CDCA2: variants seen among roughly 807,000 people sequenced by gnomAD.
CDCA2 encodes cell division cycle associated 2, also known as cell division cycle-associated protein 2.
In CDCA2, 44 loss-of-function variants were observed where a neutral mutation model predicts 67.0. The ratio of observed to expected loss-of-function variants is 0.66; its 90% CI spans 0.52 to 0.84. The LOEUF is 0.84. CDCA2 is among the 40% of genes least tolerant of loss of function. CDCA2 has a pLI of 0.00. For synonymous variants in CDCA2, 447 were observed against 418.7 expected (o/e 1.07, Z -0.82); for missense variants, 1,253 against 1,203.2 (o/e 1.04, Z -0.61).
rs1352686296 is a variant in CDCA2 at position 25,503,466 on chromosome 8, C to T, written c.1765C>T (p.Leu589Phe). The T allele has an allele frequency of 6.2e-7, 1 of 1,613,796 alleles. No homozygotes were observed. The highest frequency in any genetic ancestry group is 1.7e-5 in the Admixed American group (1 of 60,006). ...AAGAGACATTGCTTCTAAGAAGCCCCTCCTCAGTCCTATTCCCGAGCTGCC... is the reference window on the plus strand; with the variant it reads ...AAGAGACATTGCTTCTAAGAAGCCCTTCCTCAGTCCTATTCCCGAGCTGCC... ...GERDIASKKP[L>F]LSPIPELPEV... Residue 589 changes from leucine (L) to phenylalanine (F), a missense_variant, in exon 14 of 15, where the codon CTC becomes TTC. Coordinates refer to ENST00000330560, the MANE Select transcript of CDCA2 (RefSeq NM_152562.4).
At chr8:25,473,969 A>C (rs996874753) in intron 7 of CDCA2, among the ~76,000 whole-genome samples, 8 of 152,118 alleles carry the variant, frequency 5.3e-5, no homozygotes, top group African/African-American at 1.9e-4. Context: ...GTCAGATACA[A>C]AAAAAGGTTT....
intron 5 of CDCA2, among the ~76,000 whole-genome samples, chr8:25,467,897 T>A (rs1364537907): frequency 2.0e-5 from 3 of 151,888 alleles, no homozygotes; most frequent in Non-Finnish European, 4.4e-5. Flanking sequence ...GGTGGGTGGA[T>A]CACCTGAGGT....
In CDCA2 at chr8:25,460,268, C is replaced by T; in HGVS notation, c.29C>T (p.Pro10Leu). The T allele has an allele frequency of 6.2e-7, 1 of 1,614,172 alleles. No homozygotes were observed. Among genetic ancestry groups the T allele is most frequent in the Non-Finnish European group, 8.5e-7 (1 of 1,180,010 alleles). MDANSKDKPPETKESAMNNA... is the reference protein window; with the variant it reads MDANSKDKPLETKESAMNNA... ...GATGCCAATTCAAAAGACAAGCCCCCTGAAACCAAGGAGTCTGCAATGAAT... is the reference window on the plus strand; with the variant it reads ...GATGCCAATTCAAAAGACAAGCCCCTTGAAACCAAGGAGTCTGCAATGAAT... Residue 10 changes from proline (P) to leucine (L), a missense_variant, in exon 2 of 15, where the codon CCT becomes CTT. Coordinates refer to ENST00000330560, the MANE Select transcript of CDCA2 (RefSeq NM_152562.4).
intron 4 of CDCA2, among the ~76,000 whole-genome samples, chr8:25,465,771 A>G (rs1802873732): frequency 6.6e-6 from 1 of 152,172 alleles, no homozygotes; most frequent in Non-Finnish European, 1.5e-5. Flanking sequence ...CGTGCTGAGT[A>G]GAAACAGCTT....
intron 4 of CDCA2, among the ~76,000 whole-genome samples, chr8:25,465,614 A>G (rs966429609): frequency 5.4e-5 from 8 of 148,988 alleles, no homozygotes; most frequent in African/African-American, 2.1e-4. Flanking sequence ...TTTCAACCCT[A>G]AGAAGGAAAT....
At chr8:25,503,825 G>A (rs185443954) in intron 14 of CDCA2, among the ~76,000 whole-genome samples, 1 of 152,124 alleles carries the variant, frequency 6.6e-6, no homozygotes, top group Non-Finnish European at 1.5e-5. Context: ...AATAATTTCT[G>A]TGCATCCTGT....
At chr8:25,460,711 A>C (rs886778672) in intron 3 of CDCA2, among the ~76,000 whole-genome samples, 157 bp downstream of exon 3, 1 of 152,204 alleles carries the variant, frequency 6.6e-6, no homozygotes, top group African/African-American at 2.4e-5. Context: ...TTGCACATGC[A>C]CAGTTCATTT....
intron 7 of CDCA2, chr8:25,472,089 G>C (rs1646121866): frequency 6.6e-6 from 1 of 152,124 alleles, no homozygotes; most frequent in Non-Finnish European, 1.5e-5. Flanking sequence ...TACCCCCTCT[G>C]CTTCCTCTGT....
At chr8:25,490,268 G>A (rs1368705597) in intron 13 of CDCA2, among the ~76,000 whole-genome samples, 4 of 151,640 alleles carry the variant, frequency 2.6e-5, no homozygotes, top group East Asian at 1.9e-4. Context: ...ATAAAATTAC[G>A]GCCAGAAAGT....
chr8:25,494,187 A>AG lies in CDCA2; in HGVS notation c.1671+5500dup, dbSNP rs555712865. ...AATCAAAAACACTCAGGGCTGGGTGAGGTGGCTCACACCTGTAATCTCAGC... is the reference window on the plus strand; with the variant it reads ...AATCAAAAACACTCAGGGCTGGGTGAGGGTGGCTCACACCTGTAATCTCAGC... On this transcript the variant is annotated intron_variant, in intron 13 of 14. Coordinates refer to ENST00000330560, the MANE Select transcript of CDCA2 (RefSeq NM_152562.4). 7.9e-5 allele frequency among the ~76,000 whole-genome samples: 12 copies of AG among 152,176 alleles called. No individual in the cohort carries two copies. The South Asian group carries it at 2.5e-3, about 32-fold the overall frequency.
chr8:25,470,773 T>G (rs898033574), intron 7 of CDCA2, among the ~76,000 whole-genome samples: 3 of 151,930 alleles, frequency 2.0e-5, no homozygotes, highest in Admixed American at 1.3e-4. Flanking sequence ...TTTCTTTTTT[T>G]TTTTTTAAGG....
chr8:25,460,089 C>T (rs1057170253), intron 1 of CDCA2, 151 bp from the exon 2 acceptor site: 1 of 702,154 alleles, frequency 1.4e-6, no homozygotes, highest in African/African-American at 1.8e-5. Context: ...ACTGTATACC[C>T]ACAGAAATTA....
chr8:25,498,658 A>G (rs1231924656), intron 13 of CDCA2, among the ~76,000 whole-genome samples: 2 of 152,112 alleles, frequency 1.3e-5, no homozygotes, highest in African/African-American at 2.4e-5. Flanking sequence ...CAGCCAAGAT[A>G]TTGATACAGC....
intron 13 of CDCA2, among the ~76,000 whole-genome samples, chr8:25,492,206 T>C (rs1804037484): frequency 1.3e-5 from 2 of 151,974 alleles, no homozygotes; most frequent in Admixed American, 1.3e-4. Context: ...TCACCCCAGC[T>C]TCCCAAAGTG....
At chr8:25,496,326 A>G (rs999337389) in intron 13 of CDCA2, among the ~76,000 whole-genome samples, 14 of 152,140 alleles carry the variant, frequency 9.2e-5, no homozygotes, top group African/African-American at 3.1e-4. Context: ...ATACCCACTC[A>G]TTTTTCTGAT....
intron 7 of CDCA2, among the ~76,000 whole-genome samples, chr8:25,476,954 T>C (rs1803376663): frequency 6.6e-6 from 1 of 152,224 alleles, no homozygotes; most frequent in African/African-American, 2.4e-5. Context: ...TAACTTTTCT[T>C]ATTCAGCTAC....
At chr8:25,497,451 G>T (rs1199955583) in intron 13 of CDCA2, among the ~76,000 whole-genome samples, 2 of 147,530 alleles carry the variant, frequency 1.4e-5, no homozygotes, top group South Asian at 4.3e-4. Flanking sequence ...AATAGTCCAG[G>T]CACAGAGAGA....
chr8:25,488,437 T>C (rs1586506937), intron 12 of CDCA2, 115 bp from the exon 13 acceptor site: 1 of 900,476 alleles, frequency 1.1e-6, no homozygotes, highest in Non-Finnish European at 1.6e-6. Flanking sequence ...GAATTAAGAA[T>C]AAATGGGATC....
chr8:25,503,145 G>A (rs567380560), intron 13 of CDCA2, among the ~76,000 whole-genome samples: 17 of 152,018 alleles, frequency 1.1e-4, no homozygotes, highest in Non-Finnish European at 2.2e-4. Context: ...AAAGCCAGTC[G>A]TGGTGGTATG....
Sources: gnomAD v4.1 joint callset for allele counts (sites outside exome capture counted in the v4.1 genomes callset) on GRCh38, gnomAD v4.1.1 for gene constraint, MANE v1.5 for transcripts, NCBI Gene and HGNC (gene_info 2026-07-23, HGNC 2026-07-21) for gene names.